The following CSMD1 variants were observed in gnomAD, a reference collection of about 807,000 sequenced individuals.
The protein encoded by CSMD1 is CUB and sushi domain-containing protein 1.
Under a neutral mutation model 417.5 loss-of-function variants are expected in CSMD1, and 213 were observed. That is an observed-to-expected ratio of 0.51 (90% CI 0.46 to 0.57). The LOEUF (loss-of-function observed/expected upper bound fraction) is 0.57. Ranked by LOEUF, CSMD1 falls within the 20% of genes least tolerant of loss-of-function variation. CSMD1 has a pLI of 0.00. For missense variants in CSMD1, 6,923 were observed against 4,529.7 expected, an observed-to-expected ratio of 1.53 and a Z score of -15.17; for synonymous variants, 2,862 against 1,736.8, an observed-to-expected ratio of 1.65 and a Z score of -16.11.
chr8:3,965,502 A>G (rs1585045192), intron 5 of CSMD1, among the ~76,000 whole-genome samples: 1 of 152,346 alleles, frequency 6.6e-6, no homozygotes, highest in East Asian at 1.9e-4. Context: ...GTAAAGTTGA[A>G]AAACTATGGT....
At chr8:4,568,260 A>G (rs1226454866) in intron 2 of CSMD1, among the ~76,000 whole-genome samples, 2 of 152,060 alleles carry the variant, frequency 1.3e-5, no homozygotes. Flanking sequence ...GATTTCCCCT[A>G]ATGCTATGCT....
intron 37 of CSMD1, among the ~76,000 whole-genome samples, chr8:3,180,454 C>T (rs1404091764): frequency 6.6e-6 from 1 of 152,130 alleles, no homozygotes; most frequent in East Asian, 1.9e-4. Flanking sequence ...TGTCCACCTT[C>T]TGGGGAATGC....
At chr8:4,281,349 G>A (rs1043170172) in intron 3 of CSMD1, among the ~76,000 whole-genome samples, 1 of 152,194 alleles carries the variant, frequency 6.6e-6, no homozygotes, top group Non-Finnish European at 1.5e-5. Flanking sequence ...CACAGAGTAA[G>A]ATGACGGCAT....
chr8:3,305,908 C>T (rs1194326611), intron 25 of CSMD1, among the ~76,000 whole-genome samples: 1 of 152,112 alleles, frequency 6.6e-6, no homozygotes, highest in Non-Finnish European at 1.5e-5. Context: ...TCTTGATCTC[C>T]TCACCTGGTG....
intron 12 of CSMD1, among the ~76,000 whole-genome samples, chr8:3,417,646 T>A (rs899280484): frequency 2.0e-5 from 3 of 151,424 alleles, no homozygotes; most frequent in Non-Finnish European, 2.9e-5. Context: ...ATGCTTCCAT[T>A]TTCGCTGAAG....
intron 5 of CSMD1, among the ~76,000 whole-genome samples, chr8:3,983,382 G>A (rs1049959091): frequency 1.2e-4 from 18 of 151,890 alleles, no homozygotes; most frequent in African/African-American, 3.9e-4. Context: ...CCTCTTTCTT[G>A]CCCTCCCAAA....
chr8:3,758,527 T>C (rs960151498), intron 5 of CSMD1, among the ~76,000 whole-genome samples: 7 of 152,218 alleles, frequency 4.6e-5, no homozygotes, highest in Admixed American at 6.5e-5. Flanking sequence ...GCTAATCTTA[T>C]AGCTCTCATC....
At chr8:3,057,850 T>A (rs1298107681) in intron 49 of CSMD1, among the ~76,000 whole-genome samples, 1 of 152,208 alleles carries the variant, frequency 6.6e-6, no homozygotes, top group Non-Finnish European at 1.5e-5. Flanking sequence ...AATTTCATTT[T>A]CAGTTTAAAA....
chr8:3,572,207 A>T (rs1202736491), intron 10 of CSMD1, among the ~76,000 whole-genome samples: 1 of 151,154 alleles, frequency 6.6e-6, no homozygotes, highest in African/African-American at 2.4e-5. Context: ...GGGCGGTGGG[A>T]GCCCCCTCTC....
chr8:3,209,001 A>T (rs1021698223), intron 30 of CSMD1, among the ~76,000 whole-genome samples: 6 of 152,128 alleles, frequency 3.9e-5, no homozygotes, highest in Non-Finnish European at 8.8e-5. Flanking sequence ...CCTCTAGAGA[A>T]CTCTAATACA....
At chr8:3,115,408 GC>G (rs1816805543) in intron 42 of CSMD1, among the ~76,000 whole-genome samples, 1 of 152,086 alleles carries the variant, frequency 6.6e-6, no homozygotes, top group Non-Finnish European at 1.5e-5. Flanking sequence ...TGCCATGTTG[GC>G]CAGGCTTGTC....
At chr8:3,051,046 T>G (rs987442989) in intron 50 of CSMD1, among the ~76,000 whole-genome samples, 4 of 152,222 alleles carry the variant, frequency 2.6e-5, no homozygotes, top group African/African-American at 9.6e-5. Context: ...TGGTGATTTC[T>G]CAAAGAACTT....
At chr8:4,210,379 T>A (rs546848010) in intron 3 of CSMD1, among the ~76,000 whole-genome samples, 23 of 152,256 alleles carry the variant, frequency 1.5e-4, no homozygotes, top group South Asian at 4.1e-4. Flanking sequence ...CAAATCCAAC[T>A]TTTTCTTCTC....
rs556860587 is a variant in CSMD1 at position 3,997,816 on chromosome 8, A to G, written c.818+87T>C. 1.5e-4 allele frequency: 187 copies of G among 1,242,756 alleles called. 2 individuals carry two copies. The South Asian group carries it at 2.5e-3, about 17-fold the overall frequency. 77.0% of individuals were successfully genotyped at this position (1,242,756 alleles called of 1,614,324 possible). A position where few individuals can be genotyped will look rare whatever the true frequency, so the allele number is the denominator to read the frequency against. On this transcript the variant is annotated intron_variant, in intron 5 of 69. Coordinates refer to ENST00000635120, the MANE Select transcript of CSMD1 (RefSeq NM_033225.6). ...CACACATGCTTGCCCATGAACGTCC[A>G]GAGACAAGCAATTCTTGAAGCTCGT...
At chr8:3,034,046 CT>C (rs1430432102) in intron 50 of CSMD1, among the ~76,000 whole-genome samples, 1 of 152,190 alleles carries the variant, frequency 6.6e-6, no homozygotes, top group Non-Finnish European at 1.5e-5. Context: ...ATGTGCCTTC[CT>C]TTTTCTATCA....
At chr8:3,326,969 G>A (rs1443202588) in intron 23 of CSMD1, among the ~76,000 whole-genome samples, 2 of 151,694 alleles carry the variant, frequency 1.3e-5, no homozygotes, top group Non-Finnish European at 1.5e-5. Context: ...ATGAGCCCAG[G>A]AGCTCAAGAC....
intron 3 of CSMD1, among the ~76,000 whole-genome samples, chr8:4,072,017 G>C (rs887803811): frequency 1.3e-5 from 2 of 152,170 alleles, no homozygotes; most frequent in Admixed American, 1.3e-4. Flanking sequence ...ATGTGGTTTT[G>C]CTGGTTCAGA....
At chr8:4,323,376 C>T (rs9314523) in intron 3 of CSMD1, among the ~76,000 whole-genome samples, 2 of 151,982 alleles carry the variant, frequency 1.3e-5, no homozygotes, top group African/African-American at 2.4e-5. Context: ...CTTTCCTGTA[C>T]AGCATGGCCT....
At chr8:4,538,191 A>ATTT (rs5889045) in intron 2 of CSMD1, among the ~76,000 whole-genome samples, 1,804 of 144,900 alleles carry the variant, frequency 0.012, 30 homozygotes, top group East Asian at 0.087. Flanking sequence ...AGGTGGCTAC[A>ATTT]TTTTTTTTTT....
Sources: allele counts gnomAD v4.1 joint callset (sites outside exome capture counted in the v4.1 genomes callset), GRCh38; gene constraint gnomAD v4.1.1; transcripts MANE v1.5; gene names NCBI Gene and HGNC (gene_info 2026-07-23, HGNC 2026-07-21).